DEPTOR: variants seen among roughly 807,000 people sequenced by gnomAD.
DEPTOR encodes DEP domain-containing mTOR-interacting protein.
In DEPTOR, 41 loss-of-function variants were observed where a neutral mutation model predicts 41.6. The observed-to-expected ratio is 0.98, with a 90% CI of 0.77 to 1.28. The LOEUF (loss-of-function observed/expected upper bound fraction) is 1.28, where lower values mean the gene tolerates loss of function less well. DEPTOR is among the 50% of genes most tolerant of loss of function. DEPTOR has a pLI of 0.00. For missense variants in DEPTOR, 514 were observed against 527.9 expected, an observed-to-expected ratio of 0.97 and a Z score of 0.26; for synonymous variants, 195 against 192.3, an observed-to-expected ratio of 1.01 and a Z score of -0.12.
chr8:119,965,497 T>G lies in DEPTOR; in HGVS notation c.604+87T>G. 2.7e-6 allele frequency: 4 copies of G among 1,485,668 alleles called. No homozygotes were observed. In the South Asian group the frequency reaches 5.3e-5, roughly 20 times the overall value. The allele number at this position is 1,485,668 out of a possible 1,614,324, so 92.0% of individuals were successfully genotyped here. The stretch of plus-strand genomic sequence containing the variant: ...ACAACAACACGTACTTATTTCTCAC[T>G]CATGAATCTGTAAGTCAGCTGCACC... On this transcript the variant is annotated intron_variant, in intron 4 of 8. Coordinates refer to ENST00000286234, the MANE Select transcript of DEPTOR (RefSeq NM_022783.4).
rs369488459 is a variant in DEPTOR at position 119,873,978 on chromosome 8, G to C, written c.122+10G>C. 2.5e-6 allele frequency: 4 copies of C among 1,613,124 alleles called. No homozygotes were observed. The highest frequency in any genetic ancestry group is 3.4e-6 in the Non-Finnish European group (4 of 1,179,678). On this transcript the variant is annotated intron_variant, in intron 1 of 8. Transcript: ENST00000286234. ...CCGGGGAACAGCTACGGTAAGGCAA[G>C]AGACACAGCGGGTGAGCTCACGATG...
chr8:120,001,502 GT>G (rs1399978437), intron 4 of DEPTOR, 22 bp from the exon 5 acceptor site: 1 of 1,575,054 alleles, frequency 6.3e-7, no homozygotes, highest in African/African-American at 1.5e-5. Context: ...GTCCTCATTG[GT>G]TGTTTTTTTT....
chr8:119,945,715 G>A (rs953633601), intron 3 of DEPTOR, among the ~76,000 whole-genome samples: 6 of 152,184 alleles, frequency 3.9e-5, no homozygotes, highest in African/African-American at 1.4e-4. Flanking sequence ...ATTCCATCTG[G>A]AAGAGAGACT....
At position 119,878,838 on chromosome 8, in the gene DEPTOR, G is replaced by A. The variant is rs993532249; in HGVS notation, c.122+4870G>A. Among the ~76,000 whole-genome samples, 6 of 151,798 alleles carry A rather than the reference G, an allele frequency of 4.0e-5. No individual in the cohort carries two copies. The East Asian group carries it at 7.8e-4, about 20-fold the overall frequency. ...TAAAGATGCATTTGGGGCCAGGCGCGGTGGCTTAACACCTGTAATCCCAGC... is the reference window on the plus strand; with the variant it reads ...TAAAGATGCATTTGGGGCCAGGCGCAGTGGCTTAACACCTGTAATCCCAGC... On this transcript the variant is annotated intron_variant, in intron 1 of 8. Coordinates refer to ENST00000286234, the MANE Select transcript of DEPTOR (RefSeq NM_022783.4).
At chr8:119,916,271 T>TGTG (rs1402370836) in intron 1 of DEPTOR, among the ~76,000 whole-genome samples, 1 of 35,640 alleles carries the variant, frequency 2.8e-5, no homozygotes, top group African/African-American at 6.0e-5. Context: ...GGCTAATTTT[T>TGTG]TTTTTTTTTT....
At chr8:119,891,296 C>T (rs1463515068) in intron 1 of DEPTOR, 1 of 152,042 alleles carries the variant, frequency 6.6e-6, no homozygotes, top group Non-Finnish European at 1.5e-5. Flanking sequence ...ATGAAGACTT[C>T]TTTTATAGTC....
At chr8:119,897,462 G>A (rs1376722181) in intron 1 of DEPTOR, among the ~76,000 whole-genome samples, 1 of 152,194 alleles carries the variant, frequency 6.6e-6, no homozygotes, top group African/African-American at 2.4e-5. Context: ...GAACCTGGGA[G>A]GCAGAGGTTG....
At chr8:119,953,301 G>A (rs1828376542) in intron 3 of DEPTOR, among the ~76,000 whole-genome samples, 2 of 152,202 alleles carry the variant, frequency 1.3e-5, no homozygotes, top group Non-Finnish European at 2.9e-5. Flanking sequence ...TATGACTGGA[G>A]GCTGGGCGTG....
intron 1 of DEPTOR, among the ~76,000 whole-genome samples, chr8:119,892,972 G>A (rs908763484): frequency 3.9e-5 from 6 of 151,928 alleles, no homozygotes; most frequent in East Asian, 3.9e-4. Flanking sequence ...TAGTAGAGAC[G>A]GGGTTTCACC....
intron 3 of DEPTOR, among the ~76,000 whole-genome samples, chr8:119,949,432 A>G (rs1278006688): frequency 6.6e-6 from 1 of 152,176 alleles, no homozygotes; most frequent in Non-Finnish European, 1.5e-5. Context: ...GTGTTCAACG[A>G]TTTGAAGAAC....
intron 1 of DEPTOR, among the ~76,000 whole-genome samples, chr8:119,896,350 T>G (rs1827519610): frequency 6.6e-6 from 1 of 152,110 alleles, no homozygotes; most frequent in Admixed American, 6.6e-5. Context: ...CCAGTTTCCC[T>G]CCAAAGGCCA....
intron 4 of DEPTOR, among the ~76,000 whole-genome samples, chr8:119,971,328 A>C (rs896625987): frequency 2.0e-5 from 3 of 152,152 alleles, no homozygotes; most frequent in African/African-American, 7.2e-5. Context: ...TGTGTACACC[A>C]GGAGAACCAG....
rs1813093753 is a variant in DEPTOR at position 120,042,588 on chromosome 8, G to A, written c.1102-6988G>A. On this transcript the variant is annotated intron_variant, in intron 8 of 8. Transcript: ENST00000286234. Reference sequence around the variant, plus strand: ...GGCTGTAGTGCAATGGCACTATCTCGGCTCATTGCAACTTCCGCCTCCCAG... The same window carrying A: ...GGCTGTAGTGCAATGGCACTATCTCAGCTCATTGCAACTTCCGCCTCCCAG... Among the ~76,000 whole-genome samples, 2 of 151,974 alleles carry A rather than the reference G, an allele frequency of 1.3e-5. 1 individual carries two copies. Among genetic ancestry groups the A allele is most frequent in the South Asian group, 4.2e-4 (2 of 4,812 alleles).
chr8:119,879,599 CT>C (rs1260543473), intron 1 of DEPTOR, among the ~76,000 whole-genome samples: 1 of 151,622 alleles, frequency 6.6e-6, no homozygotes, highest in Non-Finnish European at 1.5e-5. Context: ...ATAGTCCCAT[CT>C]ACTCAGGAGG....
chr8:119,909,662 T>C (rs544731834), intron 1 of DEPTOR, among the ~76,000 whole-genome samples: 2 of 152,386 alleles, frequency 1.3e-5, no homozygotes, highest in African/African-American at 4.8e-5. Context: ...ATATGAGTTT[T>C]GATGAGTGAA....
chr8:120,006,076 A>T (rs1414253549), intron 6 of DEPTOR, among the ~76,000 whole-genome samples: 1 of 152,190 alleles, frequency 6.6e-6, no homozygotes, highest in Non-Finnish European at 1.5e-5. Flanking sequence ...TAAAATGGGG[A>T]TAACAATGAT....
chr8:119,977,094 G>A (rs890664913), intron 4 of DEPTOR, among the ~76,000 whole-genome samples: 4 of 152,054 alleles, frequency 2.6e-5, no homozygotes, highest in African/African-American at 7.2e-5. Flanking sequence ...TCCGCCTCCC[G>A]GGTTGTAGCG....
At chr8:119,981,666 A>AAAAAT (rs1828768779) in intron 4 of DEPTOR, among the ~76,000 whole-genome samples, 1 of 151,298 alleles carries the variant, frequency 6.6e-6, no homozygotes, top group South Asian at 2.1e-4. Flanking sequence ...AAAAAAAAAA[A>AAAAAT]AATGTAGTTG....
At chr8:119,933,677 G>A (rs1251280665) in intron 3 of DEPTOR, among the ~76,000 whole-genome samples, 1 of 152,044 alleles carries the variant, frequency 6.6e-6, no homozygotes, top group Non-Finnish European at 1.5e-5. Flanking sequence ...CGAGGGACAG[G>A]GTGAGACATG....
Sources: gnomAD v4.1 joint callset for allele counts (sites outside exome capture counted in the v4.1 genomes callset) on GRCh38, gnomAD v4.1.1 for gene constraint, MANE v1.5 for transcripts, NCBI Gene and HGNC (gene_info 2026-07-23, HGNC 2026-07-21) for gene names.